The following PARD3B variants were observed in gnomAD, a reference collection of about 807,000 sequenced individuals.
The protein encoded by PARD3B is partitioning defective 3 homolog B.
A neutral mutation model predicts 130.2 loss-of-function variants in PARD3B; 103 were observed. The observed-to-expected ratio is 0.79, with a 90% CI of 0.67 to 0.93. The LOEUF is 0.93. Ranked by LOEUF, PARD3B falls within the 40% of genes least tolerant of loss-of-function variation. The probability of loss-of-function intolerance (pLI) is 0.00; values close to 1 mark genes in which losing one functional copy is unlikely to be tolerated. For missense variants in PARD3B, 1,609 were observed against 1,499.2 expected (o/e 1.07, Z -1.21); for synonymous variants, 583 against 553.2 (o/e 1.05, Z -0.76).
At chr2:205,331,265 C>CCACA (rs56170026) in intron 18 of PARD3B, among the ~76,000 whole-genome samples, 22,651 of 148,098 alleles carry the variant, frequency 0.15, 1,820 homozygotes, top group African/African-American at 0.18. Context: ...CACATATATT[C>CCACA]CACACACACA....
chr2:204,880,330 T>G (rs1041436863), intron 2 of PARD3B, among the ~76,000 whole-genome samples: 6 of 152,070 alleles, frequency 3.9e-5, no homozygotes, highest in African/African-American at 7.2e-5. Context: ...CATACATATA[T>G]AGAGAGAGAG....
At chr2:205,262,498 G>A (rs955549006) in intron 16 of PARD3B, among the ~76,000 whole-genome samples, 3 of 152,200 alleles carry the variant, frequency 2.0e-5, no homozygotes, top group African/African-American at 7.2e-5. Flanking sequence ...TTATACATCT[G>A]CCCCTCTAGC....
intron 2 of PARD3B, among the ~76,000 whole-genome samples, chr2:204,757,229 G>A (rs1339858548): frequency 6.6e-6 from 1 of 152,162 alleles, no homozygotes; most frequent in Non-Finnish European, 1.5e-5. Context: ...ATATATGAAT[G>A]CAAGTGTCTT....
chr2:205,469,914 C>T (rs952301769), intron 20 of PARD3B, among the ~76,000 whole-genome samples: 2 of 152,214 alleles, frequency 1.3e-5, no homozygotes, highest in African/African-American at 4.8e-5. Flanking sequence ...CACGAGTATA[C>T]CTTCCAGCTC....
chr2:204,801,609 A>G (rs1328973723), intron 2 of PARD3B, among the ~76,000 whole-genome samples: 4 of 152,172 alleles, frequency 2.6e-5, no homozygotes, highest in Admixed American at 6.5e-5. Context: ...TTTGGGGCTG[A>G]GACAATGGGG....
intron 11 of PARD3B, among the ~76,000 whole-genome samples, chr2:205,169,614 A>G (rs1351514457): frequency 2.0e-5 from 3 of 152,092 alleles, no homozygotes; most frequent in Non-Finnish European, 4.4e-5. Flanking sequence ...TAAAGCTTCC[A>G]TCTTTATCTT....
chr2:204,616,729 G>T (rs1034111576), intron 1 of PARD3B, among the ~76,000 whole-genome samples: 3 of 152,188 alleles, frequency 2.0e-5, no homozygotes, highest in Non-Finnish European at 2.9e-5. Context: ...GTGTTCCTCA[G>T]TAGGTGAGAG....
chr2:204,978,012 T>C (rs1178260247), intron 3 of PARD3B, among the ~76,000 whole-genome samples: 1 of 151,968 alleles, frequency 6.6e-6, no homozygotes, highest in Non-Finnish European at 1.5e-5. Context: ...ACAGAACAGA[T>C]AAACACCCCA....
chr2:204,864,317 A>G (rs2045326390), intron 2 of PARD3B, among the ~76,000 whole-genome samples: 1 of 152,146 alleles, frequency 6.6e-6, no homozygotes, highest in Admixed American at 6.5e-5. Context: ...TTAAGATGTA[A>G]ACTTCTTACC....
intron 2 of PARD3B, among the ~76,000 whole-genome samples, chr2:204,916,842 A>G (rs144986532): frequency 7.2e-5 from 11 of 152,302 alleles, no homozygotes; most frequent in Non-Finnish European, 1.6e-4. Flanking sequence ...AGCTTTTACA[A>G]TATGAATTAA....
At chr2:205,004,070 A>G (rs1010638128) in intron 3 of PARD3B, among the ~76,000 whole-genome samples, 2 of 152,182 alleles carry the variant, frequency 1.3e-5, no homozygotes, top group African/African-American at 4.8e-5. Context: ...GCAGTTTCAT[A>G]ATCAGTGTAA....
At chr2:205,570,290 A>G (rs2053514500) in intron 22 of PARD3B, among the ~76,000 whole-genome samples, 2 of 152,178 alleles carry the variant, frequency 1.3e-5, no homozygotes, top group African/African-American at 4.8e-5. Context: ...TAAAATGAAA[A>G]CTGACTGAAT....
intron 22 of PARD3B, among the ~76,000 whole-genome samples, chr2:205,582,980 G>C (rs2054048388): frequency 6.6e-6 from 1 of 152,190 alleles, no homozygotes; most frequent in East Asian, 1.9e-4. Flanking sequence ...GCTTATGGCA[G>C]GTGGGGGGAA....
In PARD3B at chr2:205,034,690, A is replaced by G. The variant is rs114635748; in HGVS notation, c.395-12891A>G. ...AAGCAGCAATAATTTTTTAAAAATT[A>G]TATAGAAATGAATTATTTAGCATGA... is the stretch of plus-strand genomic sequence containing the variant. On this transcript the variant is annotated intron_variant, in intron 3 of 22. Transcript: ENST00000406610. Among the ~76,000 whole-genome samples the G allele has an allele frequency of 3.6e-3, 556 of 152,340 alleles. 3 individuals are homozygous for G. The highest frequency in any genetic ancestry group is 0.012 in the African/African-American group (515 of 41,586).
intron 2 of PARD3B, among the ~76,000 whole-genome samples, chr2:204,958,884 T>C (rs960764843): frequency 3.3e-5 from 5 of 152,180 alleles, no homozygotes; most frequent in Admixed American, 6.5e-5. Context: ...TGGAGTGAAA[T>C]TGCAGAGTAC....
chr2:204,616,067 G>C (rs1279118233), intron 1 of PARD3B, among the ~76,000 whole-genome samples: 1 of 152,090 alleles, frequency 6.6e-6, no homozygotes, highest in Non-Finnish European at 1.5e-5. Flanking sequence ...GTATGGCAAT[G>C]ACTTTTTAGG....
chr2:205,194,881 T>C (rs2036587920), intron 15 of PARD3B, among the ~76,000 whole-genome samples: 1 of 151,748 alleles, frequency 6.6e-6, no homozygotes, highest in Non-Finnish European at 1.5e-5. Flanking sequence ...CCCCCTGGGT[T>C]CAAGTGATTC....
chr2:204,923,985 T>C (rs2047783338), intron 2 of PARD3B, among the ~76,000 whole-genome samples: 1 of 152,098 alleles, frequency 6.6e-6, no homozygotes, highest in African/African-American at 2.4e-5. Flanking sequence ...GCCTTAGTGA[T>C]ATAGTATTTG....
chr2:204,815,290 C>T (rs2043105394), intron 2 of PARD3B, among the ~76,000 whole-genome samples: 1 of 151,834 alleles, frequency 6.6e-6, no homozygotes, highest in Non-Finnish European at 1.5e-5. Context: ...TTGCACTTAA[C>T]CTAAGTTGTT....
Sources: gnomAD v4.1 joint callset for allele counts (sites outside exome capture counted in the v4.1 genomes callset) on GRCh38, gnomAD v4.1.1 for gene constraint, MANE v1.5 for transcripts, NCBI Gene and HGNC (gene_info 2026-07-23, HGNC 2026-07-21) for gene names.